The following LRRIQ1 variants were observed in gnomAD, a reference collection of about 807,000 sequenced individuals.
LRRIQ1 encodes leucine-rich repeat- and IQ domain-containing protein 1.
LRRIQ1 carries 210 observed loss-of-function variants against 211.9 expected under a neutral mutation model. The observed-to-expected ratio is 0.99, with a 90% CI of 0.89 to 1.11. The LOEUF is 1.11. LRRIQ1 is among the 50% of genes most tolerant of loss of function. The pLI, the probability that LRRIQ1 is intolerant of heterozygous loss-of-function variation, is 0.00. For missense variants in LRRIQ1, 2,136 were observed against 1,939.5 expected (o/e 1.10, Z -1.90); for synonymous variants, 699 against 650.1 (o/e 1.08, Z -1.14).
intron 11 of LRRIQ1, among the ~76,000 whole-genome samples, chr12:85,095,088 G>T (rs1052660441): frequency 1.3e-5 from 2 of 151,874 alleles, no homozygotes; most frequent in African/African-American, 2.4e-5. Context: ...TTCTTTTTGT[G>T]TGTGTGTGCC....
chr12:85,216,207 T>A (rs1322140786), intron 24 of LRRIQ1, among the ~76,000 whole-genome samples: 1 of 152,154 alleles, frequency 6.6e-6, no homozygotes, highest in East Asian at 1.9e-4. Context: ...GTGTGTGATG[T>A]CCCCATCGCT....
chr12:85,153,098 TG>T lies in LRRIQ1; in HGVS notation c.4495del (p.Asp1499ThrfsTer36), dbSNP rs1163623658. On this transcript the variant is annotated frameshift_variant, in exon 21 of 27. Coordinates refer to ENST00000393217, the MANE Select transcript of LRRIQ1 (RefSeq NM_001079910.2). LOFTEE classifies it high-confidence loss of function. ...ATCCAGCTCAAGCATGGTTATGTAA[TG>T]ACAAAGAAAATTTGTCTTCTTCAGA... ...SNPAQAWLCN[D>X]KENLSSSEHT... The T allele has an allele frequency of 6.3e-7, 1 of 1,590,788 alleles. No homozygotes were observed. The highest frequency in any genetic ancestry group is 1.2e-5 in the South Asian group (1 of 86,882).
intron 24 of LRRIQ1, among the ~76,000 whole-genome samples, chr12:85,183,413 A>G (rs1215093153): frequency 2.0e-5 from 3 of 152,230 alleles, no homozygotes; most frequent in Non-Finnish European, 4.4e-5. Flanking sequence ...ATTATCAATA[A>G]TGATTGTGAA....
chr12:85,135,303 G>A (rs1889045386), intron 18 of LRRIQ1, among the ~76,000 whole-genome samples: 2 of 150,884 alleles, frequency 1.3e-5, no homozygotes, highest in South Asian at 4.2e-4. Context: ...TCTACTGTTT[G>A]TTCTGATTCA....
chr12:85,175,351 A>G (rs1266265595), intron 24 of LRRIQ1, among the ~76,000 whole-genome samples: 1 of 152,198 alleles, frequency 6.6e-6, no homozygotes, highest in Non-Finnish European at 1.5e-5. Context: ...AGTCCTTCTG[A>G]GCAGGGAGAA....
chr12:85,055,755 G>A lies in LRRIQ1; in HGVS notation c.962G>A (p.Trp321Ter), dbSNP rs990532486. 14 of 1,608,164 alleles carry A rather than the reference G, an allele frequency of 8.7e-6. No homozygotes were observed. The African/African-American group carries it at 1.6e-4, about 19-fold the overall frequency. ...AGTAAGAAAAGGAAAGCACAAGAGT[G>A]GAAGGAAAAGGAAGCAAAAATACGA... is the stretch of plus-strand genomic sequence containing the variant. ...IESKKRKAQE[W>*]KEKEAKIRQK... Residue 321 changes from tryptophan (W) to a stop codon, truncating the protein, a stop_gained, in exon 8 of 27, where the codon TGG (tryptophan) becomes TAG (stop). Coordinates refer to ENST00000393217, the MANE Select transcript of LRRIQ1 (RefSeq NM_001079910.2). LOFTEE classifies it high-confidence loss of function.
At chr12:85,091,616 T>C (rs1471932296) in intron 11 of LRRIQ1, among the ~76,000 whole-genome samples, 1 of 152,134 alleles carries the variant, frequency 6.6e-6, no homozygotes, top group Non-Finnish European at 1.5e-5. Flanking sequence ...GGTTTTCTCC[T>C]GGATTTTTAT....
intron 7 of LRRIQ1, among the ~76,000 whole-genome samples, chr12:85,055,055 T>G (rs1249060669): frequency 2.0e-5 from 3 of 152,154 alleles, no homozygotes; most frequent in Non-Finnish European, 4.4e-5. Flanking sequence ...GTTCTGTATA[T>G]TGTTTGTATG....
At chr12:85,196,971 A>G (rs1281565641) in intron 24 of LRRIQ1, among the ~76,000 whole-genome samples, 4 of 151,776 alleles carry the variant, frequency 2.6e-5, no homozygotes, top group African/African-American at 9.7e-5. Flanking sequence ...GAACTCCAAC[A>G]AATTTACAAG....
intron 2 of LRRIQ1, among the ~76,000 whole-genome samples, chr12:85,039,907 C>T (rs373609655): frequency 3.1e-4 from 47 of 151,442 alleles, no homozygotes; most frequent in East Asian, 1.2e-3. Flanking sequence ...TAACTAGTTA[C>T]GGTGTTTATG....
At chr12:85,139,577 T>G (rs990708081) in intron 19 of LRRIQ1, among the ~76,000 whole-genome samples, 1 of 151,444 alleles carries the variant, frequency 6.6e-6, no homozygotes, top group African/African-American at 2.4e-5. Flanking sequence ...GAACTCCATT[T>G]TATAAACTTT....
At chr12:85,240,982 A>G in intron 26 of LRRIQ1, among the ~76,000 whole-genome samples, 1 of 152,232 alleles carries the variant, frequency 6.6e-6, no homozygotes, top group East Asian at 1.9e-4. Context: ...CTATACATAT[A>G]TGTATGCATA....
chr12:85,123,963 G>T (rs1888169892), intron 16 of LRRIQ1, 107 bp from the exon 17 acceptor site: 2 of 715,354 alleles, frequency 2.8e-6, no homozygotes, highest in Non-Finnish European at 4.6e-6. Context: ...TTGTACTGAA[G>T]TTTAATATTC....
At chr12:85,195,770 C>T (rs1172074610) in intron 24 of LRRIQ1, among the ~76,000 whole-genome samples, 1 of 152,110 alleles carries the variant, frequency 6.6e-6, no homozygotes, top group Non-Finnish European at 1.5e-5. Flanking sequence ...TGGCACAAGA[C>T]AGGGATGCCC....
At chr12:85,175,861 C>G (rs1427305038) in intron 24 of LRRIQ1, among the ~76,000 whole-genome samples, 8 of 152,156 alleles carry the variant, frequency 5.3e-5, no homozygotes, top group African/African-American at 1.9e-4. Flanking sequence ...TTCCATTGAT[C>G]TATATCTCTG....
intron 24 of LRRIQ1, among the ~76,000 whole-genome samples, chr12:85,198,431 G>A (rs1457060952): frequency 6.6e-6 from 1 of 151,732 alleles, no homozygotes; most frequent in African/African-American, 2.4e-5. Flanking sequence ...CACCAGCAGT[G>A]TATATGCATT....
chr12:85,073,580 T>A (rs1216158135), intron 11 of LRRIQ1, among the ~76,000 whole-genome samples: 1 of 152,056 alleles, frequency 6.6e-6, no homozygotes, highest in Non-Finnish European at 1.5e-5. Context: ...CTGTACGAAT[T>A]TTTTTGGTAA....
intron 24 of LRRIQ1, among the ~76,000 whole-genome samples, chr12:85,187,934 C>A (rs545992999): frequency 6.6e-6 from 1 of 152,020 alleles, no homozygotes; most frequent in South Asian, 2.1e-4. Context: ...CTGATTAGAC[C>A]TTACCAAAGA....
intron 13 of LRRIQ1, among the ~76,000 whole-genome samples, chr12:85,102,954 AAAAAAATATATATATAT>A (rs1886478855): frequency 1.7e-5 from 2 of 120,968 alleles, no homozygotes; most frequent in African/African-American, 6.5e-5. Context: ...CAAAAAAAAA[AAAAAAATATATATATAT>A]ATATATATAT....
Sources: gnomAD v4.1 joint callset for allele counts (sites outside exome capture counted in the v4.1 genomes callset) on GRCh38, gnomAD v4.1.1 for gene constraint, MANE v1.5 for transcripts, NCBI Gene and HGNC (gene_info 2026-07-23, HGNC 2026-07-21) for gene names.